CDKAL1: variants seen among roughly 807,000 people sequenced by gnomAD.
CDKAL1 encodes the protein threonylcarbamoyladenosine tRNA methylthiotransferase.
A neutral mutation model predicts 68.2 loss-of-function variants in CDKAL1; 32 were observed. The observed-to-expected ratio is 0.47, with a 90% confidence interval of 0.35 to 0.63. CDKAL1 has a LOEUF of 0.63. Among genes scored for constraint, CDKAL1 ranks in the 30% least tolerant of loss-of-function variants. CDKAL1 has a pLI of 0.00. For missense variants in CDKAL1, 606 were observed against 696.7 expected (o/e 0.87, Z 1.47); for synonymous variants, 234 against 244.3 (o/e 0.96, Z 0.39).
chr6:20,725,781 TC>T (rs1327897889), intron 5 of CDKAL1, among the ~76,000 whole-genome samples: 2 of 123,200 alleles, frequency 1.6e-5, no homozygotes, highest in African/African-American at 7.0e-5. Context: ...TGAAACTCCG[TC>T]TAAAAAAAAA....
intron 5 of CDKAL1, among the ~76,000 whole-genome samples, chr6:20,738,260 A>G (rs527447523): frequency 6.6e-6 from 1 of 152,180 alleles, no homozygotes; most frequent in Non-Finnish European, 1.5e-5. Flanking sequence ...AGACTTGAAA[A>G]TTTAATTTTA....
At chr6:20,908,307 T>G (rs1312852867) in intron 9 of CDKAL1, among the ~76,000 whole-genome samples, 1 of 152,240 alleles carries the variant, frequency 6.6e-6, no homozygotes, top group African/African-American at 2.4e-5. Context: ...ATAATAAGAA[T>G]TGAATTCTGT....
intron 13 of CDKAL1, among the ~76,000 whole-genome samples, chr6:21,130,221 CTTT>C (rs10708944): frequency 3.5e-5 from 4 of 115,616 alleles, no homozygotes; most frequent in Non-Finnish European, 5.2e-5. Context: ...TTGGACCTAA[CTTT>C]TTTTTTTTTT....
chr6:20,822,522 C>T (rs1175489082), intron 8 of CDKAL1, among the ~76,000 whole-genome samples: 1 of 152,142 alleles, frequency 6.6e-6, no homozygotes, highest in Non-Finnish European at 1.5e-5. Flanking sequence ...TGGCAAACAG[C>T]ATCGTTTTCT....
intron 4 of CDKAL1, among the ~76,000 whole-genome samples, chr6:20,550,245 T>C (rs1270794335): frequency 1.3e-5 from 2 of 151,896 alleles, no homozygotes; most frequent in African/African-American, 4.8e-5. Context: ...CCCAAAGTGC[T>C]GGGATTACAG....
intron 10 of CDKAL1, among the ~76,000 whole-genome samples, chr6:20,983,426 A>G (rs1159554656): frequency 6.6e-6 from 1 of 152,214 alleles, no homozygotes; most frequent in Non-Finnish European, 1.5e-5. Context: ...TATATCAGAA[A>G]CTATACAATA....
At chr6:21,076,240 G>T (rs1772067665) in intron 12 of CDKAL1, among the ~76,000 whole-genome samples, 1 of 152,028 alleles carries the variant, frequency 6.6e-6, no homozygotes, top group Non-Finnish European at 1.5e-5. Context: ...ACCAAGGCAG[G>T]GTGACCACTT....
intron 8 of CDKAL1, among the ~76,000 whole-genome samples, chr6:20,820,539 G>T (rs931292532): frequency 6.6e-6 from 1 of 152,130 alleles, no homozygotes; most frequent in Admixed American, 6.5e-5. Flanking sequence ...CTTTTGATGC[G>T]ATTTACCCTG....
intron 9 of CDKAL1, among the ~76,000 whole-genome samples, chr6:20,882,824 G>A (rs1284913942): frequency 2.6e-5 from 4 of 152,150 alleles, no homozygotes; most frequent in Non-Finnish European, 5.9e-5. Context: ...TTTTCATGTA[G>A]TCTTTACTTA....
At chr6:20,939,667 A>G (rs1763882172) in intron 9 of CDKAL1, among the ~76,000 whole-genome samples, 2 of 152,170 alleles carry the variant, frequency 1.3e-5, no homozygotes, top group Non-Finnish European at 2.9e-5. Flanking sequence ...CCACAGTAAT[A>G]TATTGGCTGC....
At chr6:21,101,753 G>C (rs951144564) in intron 12 of CDKAL1, among the ~76,000 whole-genome samples, 3 of 152,126 alleles carry the variant, frequency 2.0e-5, no homozygotes, top group Non-Finnish European at 4.4e-5. Context: ...TCTCTAGACT[G>C]AGTGAAGGGT....
At chr6:21,203,302 T>G (rs927827393) in intron 15 of CDKAL1, among the ~76,000 whole-genome samples, 4 of 139,530 alleles carry the variant, frequency 2.9e-5, no homozygotes, top group African/African-American at 1.1e-4. Context: ...TGGCATGCAG[T>G]GTCAGCTCAC....
chr6:21,064,596 A>G (rs766212517), intron 11 of CDKAL1, among the ~76,000 whole-genome samples: 9 of 152,324 alleles, frequency 5.9e-5, no homozygotes, highest in South Asian at 2.1e-4. Flanking sequence ...ACTGAATAGT[A>G]TATCAATTGG....
chr6:20,806,190 T>C (rs1314645330), intron 8 of CDKAL1, among the ~76,000 whole-genome samples: 1 of 152,184 alleles, frequency 6.6e-6, no homozygotes, highest in Non-Finnish European at 1.5e-5. Context: ...TTTGTATCCA[T>C]ATGTACTCAA....
rs1209160216 is a variant in CDKAL1, at chr6:20,567,215, TGAA to T, written c.286+18511_286+18513del. ...CAAAAGTAATCGTGGTCTTTGCCAT[TGAA>T]AGTAATGGCAAAGACCACGATTACT... On this transcript the variant is annotated intron_variant, in intron 4 of 15. Transcript: ENST00000274695. Among the ~76,000 whole-genome samples the T allele has an allele frequency of 3.3e-5, 5 of 149,768 alleles. No homozygotes were observed. The East Asian group carries it at 8.1e-4, about 24-fold the overall frequency.
chr6:20,723,052 T>G (rs1191971587), intron 5 of CDKAL1, among the ~76,000 whole-genome samples: 1 of 152,118 alleles, frequency 6.6e-6, no homozygotes, highest in Non-Finnish European at 1.5e-5. Context: ...TTGGGACCCA[T>G]CAACTGCAGG....
intron 4 of CDKAL1, among the ~76,000 whole-genome samples, chr6:20,586,907 C>G (rs114760590): frequency 0.011 from 1,657 of 149,860 alleles, 27 homozygotes; most frequent in African/African-American, 0.037. Flanking sequence ...TTTTCTTGCT[C>G]TTCTTTGAAT....
At chr6:20,546,898 G>T (rs534749988) in intron 3 of CDKAL1, among the ~76,000 whole-genome samples, 1 of 152,206 alleles carries the variant, frequency 6.6e-6, no homozygotes, top group African/African-American at 2.4e-5. Flanking sequence ...GACGCTACTG[G>T]TCTGTGTGAT....
intron 4 of CDKAL1, among the ~76,000 whole-genome samples, chr6:20,553,735 G>A (rs977569296): frequency 2.6e-5 from 4 of 151,156 alleles, no homozygotes; most frequent in South Asian, 2.1e-4. Context: ...CTCGGCCTCC[G>A]GAGTAGCTGG....
Sources: allele counts gnomAD v4.1 joint callset (sites outside exome capture counted in the v4.1 genomes callset), GRCh38; gene constraint gnomAD v4.1.1; transcripts MANE v1.5; gene names NCBI Gene and HGNC (gene_info 2026-07-23, HGNC 2026-07-21).